The following NRXN1 variants were observed in gnomAD, a reference collection of about 807,000 sequenced individuals.
The protein encoded by NRXN1 is neurexin 1.
In NRXN1, 39 loss-of-function variants were observed where a neutral mutation model predicts 150.9. That is an observed-to-expected ratio of 0.26 (90% CI 0.20 to 0.34). NRXN1 has a LOEUF of 0.34. Among genes scored for constraint, NRXN1 ranks in the 10% least tolerant of loss-of-function variants. The probability of loss-of-function intolerance (pLI) is 1.00; values close to 1 mark genes in which losing one functional copy is unlikely to be tolerated. For missense variants in NRXN1, 1,815 were observed against 1,949.9 expected (o/e 0.93, Z 1.30); for synonymous variants, 924 against 757.0 (o/e 1.22, Z -3.62).
chr2:50,943,448 C>A (rs972798465), intron 2 of NRXN1, among the ~76,000 whole-genome samples: 1 of 152,138 alleles, frequency 6.6e-6, no homozygotes, highest in Non-Finnish European at 1.5e-5. Context: ...GTGTCACTGG[C>A]AACAAGACAT....
chr2:50,088,872 A>G (rs1184845517), intron 19 of NRXN1, among the ~76,000 whole-genome samples: 1 of 152,210 alleles, frequency 6.6e-6, no homozygotes, highest in Admixed American at 6.5e-5. Context: ...TATTCAGTAC[A>G]TGGCATCTGG....
intron 5 of NRXN1, among the ~76,000 whole-genome samples, chr2:50,865,253 A>AGGAAGCTC (rs1285841072): frequency 6.6e-6 from 1 of 151,992 alleles, no homozygotes; most frequent in Non-Finnish European, 1.5e-5. Flanking sequence ...ATAAAGGGAA[A>AGGAAGCTC]GGAAGCTCTT....
chr2:50,108,167 A>C (rs1279703567), intron 18 of NRXN1, among the ~76,000 whole-genome samples: 3 of 152,076 alleles, frequency 2.0e-5, no homozygotes, highest in Non-Finnish European at 4.4e-5. Flanking sequence ...CTAACTCCAT[A>C]AAATTAAAAC....
chr2:50,846,133 T>G (rs1335880252), intron 5 of NRXN1, among the ~76,000 whole-genome samples: 3 of 152,176 alleles, frequency 2.0e-5, no homozygotes, highest in Admixed American at 2.0e-4. Context: ...TTTTTTTCAT[T>G]GATTTAGTCA....
rs771100630 is a variant in NRXN1 at position 50,506,556 on chromosome 2, C to T, written c.2436G>A (p.Val812=). ...YNLNDNEWHT[V]RVVRRGKSLK... ...AACTTTTTCCACGCCGAACTACACG[C>T]ACTGTGTGCCACTCGTTATCATTGA... is the stretch of plus-strand genomic sequence containing the variant. Residue 812 remains valine, a synonymous_variant, in exon 13 of 23, where the codon GTG becomes GTA. Coordinates refer to ENST00000401669, the MANE Select transcript of NRXN1 (RefSeq NM_001330078.2). 6.2e-7 allele frequency: 1 copy of T among 1,613,276 alleles called. No individual in the cohort carries two copies. Among genetic ancestry groups the T allele is most frequent in the Non-Finnish European group, 8.5e-7 (1 of 1,179,544 alleles).
At chr2:50,281,043 G>T (rs1425830761) in intron 17 of NRXN1, among the ~76,000 whole-genome samples, 2 of 151,562 alleles carry the variant, frequency 1.3e-5, no homozygotes, top group Non-Finnish European at 2.9e-5. Context: ...GGTGGCTCAT[G>T]CCTGTAATCC....
chr2:50,877,323 C>A (rs1039785529), intron 5 of NRXN1, among the ~76,000 whole-genome samples: 1 of 151,806 alleles, frequency 6.6e-6, no homozygotes, highest in Non-Finnish European at 1.5e-5. Context: ...ACTACTTTTC[C>A]GTTCTAGTCT....
chr2:50,250,523 C>G (rs1242892403), intron 17 of NRXN1, among the ~76,000 whole-genome samples: 1 of 151,786 alleles, frequency 6.6e-6, no homozygotes, highest in Non-Finnish European at 1.5e-5. Flanking sequence ...CAGATAAATA[C>G]AGAGCACAAA....
intron 5 of NRXN1, among the ~76,000 whole-genome samples, chr2:50,861,291 T>C (rs1676098003): frequency 6.6e-6 from 1 of 152,044 alleles, no homozygotes; most frequent in Admixed American, 6.6e-5. Context: ...TAGCTCACTG[T>C]AGCCTCCATC....
At chr2:50,825,242 T>C (rs748485147) in intron 5 of NRXN1, among the ~76,000 whole-genome samples, 1 of 152,198 alleles carries the variant, frequency 6.6e-6, no homozygotes, top group African/African-American at 2.4e-5. Flanking sequence ...CTTCACTCCC[T>C]TCTCCTGACA....
intron 2 of NRXN1, among the ~76,000 whole-genome samples, chr2:51,014,085 G>C (rs17041192): frequency 1.3e-5 from 2 of 151,992 alleles, no homozygotes; most frequent in Non-Finnish European, 2.9e-5. Context: ...GGCATGATGG[G>C]AAATTAGCAA....
chr2:50,396,645 G>A (rs185124070), intron 17 of NRXN1, among the ~76,000 whole-genome samples: 53 of 152,056 alleles, frequency 3.5e-4, no homozygotes, highest in African/African-American at 1.2e-3. Context: ...CTAACCTACT[G>A]TGCGAAGGAG....
chr2:50,185,245 C>T (rs1574380630), intron 18 of NRXN1, among the ~76,000 whole-genome samples: 1 of 152,026 alleles, frequency 6.6e-6, no homozygotes, highest in South Asian at 2.1e-4. Context: ...TTGTTTATGG[C>T]ACACATTTTA....
At chr2:50,426,805 C>T (rs1005875821) in intron 17 of NRXN1, among the ~76,000 whole-genome samples, 4 of 152,146 alleles carry the variant, frequency 2.6e-5, no homozygotes, top group African/African-American at 7.2e-5. Flanking sequence ...CAAATGAGGT[C>T]CCTTTGTCAT....
At chr2:50,727,707 G>A (rs858948) in intron 5 of NRXN1, among the ~76,000 whole-genome samples, 126,691 of 152,120 alleles carry the variant, frequency 0.83, 53,367 homozygotes, top group African/African-American at 0.96. Flanking sequence ...GAAGATTTAT[G>A]TTTTTAATTA....
chr2:50,288,146 T>G (rs1021156081), intron 17 of NRXN1, among the ~76,000 whole-genome samples: 4 of 152,186 alleles, frequency 2.6e-5, no homozygotes, highest in Non-Finnish European at 5.9e-5. Context: ...ATGAATAACT[T>G]TCCATCAAAC....
At chr2:50,308,009 T>G (rs181137909) in intron 17 of NRXN1, among the ~76,000 whole-genome samples, 1 of 152,236 alleles carries the variant, frequency 6.6e-6, no homozygotes, top group Non-Finnish European at 1.5e-5. Flanking sequence ...TTTTGACATA[T>G]GTAATGAAAT....
intron 17 of NRXN1, among the ~76,000 whole-genome samples, chr2:50,340,772 T>A (rs1486727529): frequency 6.6e-6 from 1 of 152,040 alleles, no homozygotes; most frequent in Non-Finnish European, 1.5e-5. Context: ...GACAAAACAG[T>A]ATAAAAAGTC....
At chr2:50,251,023 T>C (rs999626808) in intron 17 of NRXN1, among the ~76,000 whole-genome samples, 13 of 135,970 alleles carry the variant, frequency 9.6e-5, no homozygotes, top group Non-Finnish European at 1.4e-4. Flanking sequence ...ATATTACATA[T>C]TGTATATGTA....
Sources: allele counts gnomAD v4.1 joint callset (sites outside exome capture counted in the v4.1 genomes callset), GRCh38; gene constraint gnomAD v4.1.1; transcripts MANE v1.5; gene names NCBI Gene and HGNC (gene_info 2026-07-23, HGNC 2026-07-21).